The following YWHAE variants were observed in gnomAD, a reference collection of about 807,000 sequenced individuals.
YWHAE encodes the protein 14-3-3 protein epsilon.
A neutral mutation model predicts 30.1 loss-of-function variants in YWHAE; 4 were observed. The ratio of observed to expected loss-of-function variants is 0.13; its 90% CI spans 0.07 to 0.30. The LOEUF (loss-of-function observed/expected upper bound fraction) is 0.30, where lower values mean the gene tolerates loss of function less well. YWHAE is among the 10% of genes least tolerant of loss of function. The probability of loss-of-function intolerance (pLI) is 1.00; values close to 1 mark genes in which losing one functional copy is unlikely to be tolerated. For synonymous variants in YWHAE, 118 were observed against 111.8 expected, an observed-to-expected ratio of 1.06 and a Z score of -0.35; for missense variants, 121 against 315.9, an observed-to-expected ratio of 0.38 and a Z score of 4.68.
intron 1 of YWHAE, among the ~76,000 whole-genome samples, chr17:1,394,647 T>C (rs1045134714): frequency 1.7e-4 from 26 of 151,604 alleles, no homozygotes; most frequent in African/African-American, 6.1e-4. Flanking sequence ...CATAAATACA[T>C]ACACCTAATA....
In YWHAE at chr17:1,390,008, T is replaced by A. The variant is rs1007427692; in HGVS notation, c.64+10039A>T. 5.3e-5 allele frequency among the ~76,000 whole-genome samples: 8 copies of A among 152,236 alleles called. No individual in the cohort carries two copies. In the South Asian group the frequency reaches 1.0e-3, roughly 20 times the overall value. ...ACAAGCGCCTGCCACCACTTCAAGC[T>A]AATTTTGTATTTTTTAGTATAGATG... On this transcript the variant is annotated intron_variant, in intron 1 of 5. Coordinates refer to ENST00000264335, the MANE Select transcript of YWHAE (RefSeq NM_006761.5).
chr17:1,396,388 C>T (rs539202666), intron 1 of YWHAE, among the ~76,000 whole-genome samples: 6 of 151,532 alleles, frequency 4.0e-5, no homozygotes, highest in African/African-American at 1.2e-4. Flanking sequence ...TGTGCCACTT[C>T]AATAAAGCCT....
intron 1 of YWHAE, 92 bp downstream of exon 1, chr17:1,399,955 A>T: frequency 6.6e-7 from 1 of 1,516,886 alleles, no homozygotes; most frequent in Non-Finnish European, 9.2e-7. Flanking sequence ...AGGCTCGCAG[A>T]CGATGCCGCC....
chr17:1,382,342 C>A (rs2073225325), intron 1 of YWHAE, among the ~76,000 whole-genome samples: 1 of 143,580 alleles, frequency 7.0e-6, no homozygotes, highest in Admixed American at 7.1e-5. Context: ...GCCACCGCGC[C>A]CGGCCTTTTT....
At chr17:1,374,321 A>G (rs78002509) in intron 1 of YWHAE, among the ~76,000 whole-genome samples, 11 of 14,172 alleles carry the variant, frequency 7.8e-4, no homozygotes, top group African/African-American at 4.0e-3. Flanking sequence ...GGTCTCAGGA[A>G]AAAAAAAAAA....
intron 1 of YWHAE, among the ~76,000 whole-genome samples, chr17:1,381,960 AAC>A (rs1204610341): frequency 5.3e-5 from 8 of 151,774 alleles, no homozygotes; most frequent in Non-Finnish European, 1.0e-4. Context: ...AGGAAAAAAA[AAC>A]ACAGATATAT....
At chr17:1,355,116 T>TAA (rs869230957) in intron 4 of YWHAE, among the ~76,000 whole-genome samples, 24 of 17,152 alleles carry the variant, frequency 1.4e-3, no homozygotes, top group East Asian at 1.4e-3. Flanking sequence ...CAAGATTTTT[T>TAA]AAAAAAAAAA....
At chr17:1,394,830 G>A (rs1270076500) in intron 1 of YWHAE, among the ~76,000 whole-genome samples, 2 of 150,856 alleles carry the variant, frequency 1.3e-5, no homozygotes, top group South Asian at 2.1e-4. Context: ...AGCCAGGTGC[G>A]ATGGCGGGCG....
At chr17:1,381,674 G>C (rs2073209713) in intron 1 of YWHAE, among the ~76,000 whole-genome samples, 1 of 151,996 alleles carries the variant, frequency 6.6e-6, no homozygotes, top group South Asian at 2.1e-4. Flanking sequence ...CCAGCACTTT[G>C]GGAGGCCAAC....
At chr17:1,382,430 A>G (rs766158704) in intron 1 of YWHAE, among the ~76,000 whole-genome samples, 3 of 116,266 alleles carry the variant, frequency 2.6e-5, no homozygotes, top group Non-Finnish European at 5.4e-5. Context: ...TGCAAGCTCT[A>G]CCGGCAAGCT....
At chr17:1,395,528 G>T (rs1432064657) in intron 1 of YWHAE, among the ~76,000 whole-genome samples, 1 of 152,036 alleles carries the variant, frequency 6.6e-6, no homozygotes, top group Non-Finnish European at 1.5e-5. Flanking sequence ...AGTCGTAGAA[G>T]GGATTTTTAA....
intron 1 of YWHAE, chr17:1,399,643 G>C (rs1198705710): frequency 3.5e-6 from 1 of 282,972 alleles, no homozygotes; most frequent in African/African-American, 2.3e-5. Flanking sequence ...GGCGGGTGCT[G>C]CTTCCCCCGT....
intron 4 of YWHAE, among the ~76,000 whole-genome samples, 178 bp from the exon 5 acceptor site, chr17:1,354,525 T>C (rs578096237): frequency 6.6e-6 from 1 of 152,226 alleles, no homozygotes; most frequent in Non-Finnish European, 1.5e-5. Flanking sequence ...CACTACTTCT[T>C]ACTATGCTTT....
chr17:1,358,828 T>TAA lies in YWHAE; in HGVS notation c.578+2263_578+2264insTT, dbSNP rs1219797455. ...CTGGCCAGCAGAGCGAGACTCCATC[T>TAA]TAAAAAAAAAAAAAAAAAAGGGCTG... is the stretch of plus-strand genomic sequence containing the variant. On this transcript the variant is annotated intron_variant, in intron 4 of 5. Transcript: ENST00000264335. Among the ~76,000 whole-genome samples the TAA allele has an allele frequency of 2.1e-3, 137 of 64,318 alleles. 2 individuals carry two copies. Among genetic ancestry groups the TAA allele is most frequent in the Middle Eastern group, 7.5e-3 (1 of 134 alleles). The allele number at this position is 64,318 out of a possible 152,430, so 42.2% of individuals were successfully genotyped here.
At chr17:1,378,279 A>G (rs2150865797) in intron 1 of YWHAE, among the ~76,000 whole-genome samples, 1 of 152,344 alleles carries the variant, frequency 6.6e-6, no homozygotes, top group African/African-American at 2.4e-5. Flanking sequence ...AGGCTGACAT[A>G]TGAGAATGCT....
At chr17:1,388,324 G>A (rs1477771541) in intron 1 of YWHAE, among the ~76,000 whole-genome samples, 1 of 150,684 alleles carries the variant, frequency 6.6e-6, no homozygotes, top group African/African-American at 2.4e-5. Context: ...AGACCATCCT[G>A]GCTAACACGG....
intron 4 of YWHAE, among the ~76,000 whole-genome samples, chr17:1,355,122 A>ACC (rs2072715090): frequency 9.3e-5 from 3 of 32,172 alleles, no homozygotes; most frequent in African/African-American, 3.3e-4. Flanking sequence ...TTTTTAAAAA[A>ACC]AAAAAAAAAA....
At chr17:1,393,779 G>C (rs961821506) in intron 1 of YWHAE, among the ~76,000 whole-genome samples, 1 of 152,012 alleles carries the variant, frequency 6.6e-6, no homozygotes, top group African/African-American at 2.4e-5. Context: ...TTAAAGAGGT[G>C]ACATCTGCCT....
intron 4 of YWHAE, among the ~76,000 whole-genome samples, chr17:1,358,286 C>G (rs62087922): frequency 0.28 from 42,024 of 151,960 alleles, 5,997 homozygotes; most frequent in South Asian, 0.38. Context: ...GTCGCCCAGG[C>G]TGGAGTGCAG....
Sources: allele counts gnomAD v4.1 joint callset (sites outside exome capture counted in the v4.1 genomes callset), GRCh38; gene constraint gnomAD v4.1.1; transcripts MANE v1.5; gene names NCBI Gene and HGNC (gene_info 2026-07-23, HGNC 2026-07-21).